The following LOC128125817 variants were observed in gnomAD, a reference collection of about 807,000 sequenced individuals.
the LOC128125817 span, among the ~76,000 whole-genome samples, chr1:41,619,891 T>C: frequency 8.5e-5 from 13 of 152,166 alleles, no homozygotes; most frequent in African/African-American, 3.1e-4. Flanking sequence ...TAGGCTGCAG[T>C]GAGCACCTAG....
At chr1:41,587,532 G>T in the LOC128125817 span, among the ~76,000 whole-genome samples, 1 of 152,164 alleles carries the variant, frequency 6.6e-6, no homozygotes, top group Non-Finnish European at 1.5e-5. Flanking sequence ...GGACAAAATG[G>T]TTACCCTTAC....
At chr1:41,627,864 C>T in the LOC128125817 span, among the ~76,000 whole-genome samples, 2 of 152,128 alleles carry the variant, frequency 1.3e-5, no homozygotes, top group East Asian at 3.9e-4. Flanking sequence ...GGCCAGAGAA[C>T]TCCCTCCCTC....
At chr1:41,598,508 C>T in the LOC128125817 span, among the ~76,000 whole-genome samples, 1 of 152,300 alleles carries the variant, frequency 6.6e-6, no homozygotes, top group South Asian at 2.1e-4. Flanking sequence ...TGGCGACTGC[C>T]TGTGGCTTCT....
chr1:41,587,958 T>G, the LOC128125817 span, among the ~76,000 whole-genome samples: 4 of 152,178 alleles, frequency 2.6e-5, no homozygotes, highest in Admixed American at 2.0e-4. Flanking sequence ...TTGTCTAGCA[T>G]CTGAACAATA....
the LOC128125817 span, among the ~76,000 whole-genome samples, chr1:41,621,440 C>T: frequency 2.1e-3 from 327 of 152,368 alleles, 1 homozygote; most frequent in South Asian, 4.8e-3. Flanking sequence ...CAAGGGAGGG[C>T]CTGCAGCCGT....
At chr1:41,588,496 G>A in the LOC128125817 span, among the ~76,000 whole-genome samples, 1 of 152,160 alleles carries the variant, frequency 6.6e-6, no homozygotes, top group East Asian at 1.9e-4. Context: ...CCAGCAGCTG[G>A]GGTTTGGTGC....
the LOC128125817 span, among the ~76,000 whole-genome samples, chr1:41,612,283 G>A: frequency 5.9e-5 from 9 of 152,148 alleles, no homozygotes; most frequent in Non-Finnish European, 1.2e-4. Flanking sequence ...TCCCCTGGCC[G>A]GTGTTTACAC....
At chr1:41,616,015 G>A in the LOC128125817 span, among the ~76,000 whole-genome samples, 11 of 152,050 alleles carry the variant, frequency 7.2e-5, no homozygotes, top group African/African-American at 2.7e-4. Context: ...ATCTCAAGTG[G>A]TTTAACCAAA....
the LOC128125817 span, among the ~76,000 whole-genome samples, chr1:41,622,635 C>A: frequency 2.6e-5 from 4 of 152,234 alleles, no homozygotes; most frequent in Non-Finnish European, 2.9e-5. Context: ...ACTATCTGGC[C>A]ATTCAGAGCA....
the LOC128125817 span, among the ~76,000 whole-genome samples, chr1:41,608,258 G>A: frequency 6.6e-6 from 1 of 152,198 alleles, no homozygotes; most frequent in Non-Finnish European, 1.5e-5. Context: ...GACAGGAAGT[G>A]GCCAGGGAAC....
chr1:41,596,984 C>T, the LOC128125817 span, among the ~76,000 whole-genome samples: 4 of 152,134 alleles, frequency 2.6e-5, no homozygotes, highest in Non-Finnish European at 4.4e-5. Flanking sequence ...CTGCTTTTTC[C>T]CTCAATAATG....
the LOC128125817 span, among the ~76,000 whole-genome samples, chr1:41,609,611 C>T: frequency 1.3e-5 from 2 of 152,384 alleles, no homozygotes; most frequent in Non-Finnish European, 2.9e-5. Flanking sequence ...TAATGACACC[C>T]CTTTTTAAGA....
the LOC128125817 span, among the ~76,000 whole-genome samples, chr1:41,624,407 A>G: frequency 6.6e-6 from 1 of 152,262 alleles, no homozygotes; most frequent in African/African-American, 2.4e-5. Context: ...GCACATGGGA[A>G]CACACTGAAT....
chr1:41,590,293 C>A, the LOC128125817 span, among the ~76,000 whole-genome samples: 2 of 152,244 alleles, frequency 1.3e-5, no homozygotes, highest in Non-Finnish European at 1.5e-5. Context: ...CTGAATATTT[C>A]TTCCATTAGC....
the LOC128125817 span, among the ~76,000 whole-genome samples, chr1:41,604,575 C>T: frequency 3.9e-5 from 6 of 152,194 alleles, no homozygotes; most frequent in Non-Finnish European, 7.3e-5. Context: ...GAGACTTCAT[C>T]TCACTTGCCC....
At chr1:41,628,605 A>G in the LOC128125817 span, 3 of 651,220 alleles carry the variant, frequency 4.6e-6, no homozygotes, top group East Asian at 3.5e-5. Flanking sequence ...TTTCACAACA[A>G]CTTTCACAGA....
the LOC128125817 span, among the ~76,000 whole-genome samples, chr1:41,617,255 T>C: frequency 6.6e-6 from 1 of 152,198 alleles, no homozygotes; most frequent in African/African-American, 2.4e-5. Context: ...GATGCATTCA[T>C]TGTTCCATAG....
At chr1:41,622,778 C>T in the LOC128125817 span, among the ~76,000 whole-genome samples, 4 of 152,136 alleles carry the variant, frequency 2.6e-5, no homozygotes, top group African/African-American at 9.7e-5. Flanking sequence ...GCAGGCAAGC[C>T]AGGGGAAAGG....
the LOC128125817 span, among the ~76,000 whole-genome samples, chr1:41,616,785 A>G: frequency 2.0e-5 from 3 of 152,034 alleles, no homozygotes; most frequent in African/African-American, 7.3e-5. Flanking sequence ...GTATCATCCT[A>G]TGTACATTCC....
Sources: gnomAD v4.1 joint callset for allele counts (sites outside exome capture counted in the v4.1 genomes callset) on GRCh38, gnomAD v4.1.1 for gene constraint, MANE v1.5 for transcripts.